Variants in AFAP1L2 observed in about 807,000 individuals in gnomAD.
AFAP1L2 encodes actin filament associated protein 1 like 2.
A neutral mutation model predicts 99.3 loss-of-function variants in AFAP1L2; 46 were observed. The ratio of observed to expected loss-of-function variants is 0.46; its 90% CI spans 0.37 to 0.59. The LOEUF (loss-of-function observed/expected upper bound fraction) is 0.59, where lower values mean the gene tolerates loss of function less well. AFAP1L2 is among the 20% of genes least tolerant of loss of function. The probability of loss-of-function intolerance (pLI) is 0.00; values close to 1 mark genes in which losing one functional copy is unlikely to be tolerated. For missense variants in AFAP1L2, 959 were observed against 1,034.9 expected (o/e 0.93, Z 1.01); for synonymous variants, 397 against 419.1 (o/e 0.95, Z 0.64).
intron 5 of AFAP1L2, chr10:114,319,737 G>A (rs1342800779): frequency 1.0e-6 from 1 of 979,718 alleles, no homozygotes; most frequent in East Asian, 6.2e-5. Context: ...CAAAGAGAGA[G>A]ACCCAGATGT....
chr10:114,287,713 G>T, the AFAP1L2 span, among the ~76,000 whole-genome samples: 4 of 152,142 alleles, frequency 2.6e-5, no homozygotes, highest in African/African-American at 4.8e-5. Context: ...AATAGTTGTA[G>T]ATTTATAGGA....
At chr10:114,384,818 G>A (rs1021200082) in intron 1 of AFAP1L2, among the ~76,000 whole-genome samples, 2 of 152,194 alleles carry the variant, frequency 1.3e-5, no homozygotes, top group Admixed American at 1.3e-4. Flanking sequence ...GCAGTGCGGG[G>A]CCCACACACT....
chr10:114,393,691 T>C (rs2057389234), intron 1 of AFAP1L2: 1 of 152,082 alleles, frequency 6.6e-6, no homozygotes, highest in African/African-American at 2.4e-5. Context: ...AAACAGCCTT[T>C]CCACTCTCAA....
chr10:114,402,429 G>A (rs1230441780), intron 1 of AFAP1L2, among the ~76,000 whole-genome samples: 1 of 152,124 alleles, frequency 6.6e-6, no homozygotes, highest in Admixed American at 6.5e-5. Context: ...TGACACCAGC[G>A]AGACAAAATA....
chr10:114,403,826 A>T (rs2058456520), intron 1 of AFAP1L2, among the ~76,000 whole-genome samples: 2 of 151,882 alleles, frequency 1.3e-5, no homozygotes, highest in Non-Finnish European at 2.9e-5. Context: ...CCTGCCGGGC[A>T]CTCCATTCGG....
At chr10:114,310,331 C>T in intron 8 of AFAP1L2, 23 bp downstream of exon 8, 1 of 1,592,692 alleles carries the variant, frequency 6.3e-7, no homozygotes. Flanking sequence ...GGGACTCTCC[C>T]TCCAGGCAGG....
At chr10:114,337,438 G>A (rs191364647) in intron 2 of AFAP1L2, among the ~76,000 whole-genome samples, 5 of 152,356 alleles carry the variant, frequency 3.3e-5, no homozygotes, top group East Asian at 3.9e-4. Context: ...GGGAAGTTCC[G>A]TTAAACAGTG....
chr10:114,361,816 C>T (rs2052467242), intron 1 of AFAP1L2, among the ~76,000 whole-genome samples: 1 of 152,150 alleles, frequency 6.6e-6, no homozygotes, highest in Admixed American at 6.5e-5. Context: ...TTGGAGTGTA[C>T]ATCCACATGT....
At chr10:114,302,299 G>C in intron 12 of AFAP1L2, 40 bp downstream of exon 12, 3 of 1,613,610 alleles carry the variant, frequency 1.9e-6, no homozygotes, top group South Asian at 2.2e-5. Context: ...GCATGGCCAG[G>C]AATAAGAGAG....
At chr10:114,283,477 C>T in the AFAP1L2 span, among the ~76,000 whole-genome samples, 129 of 152,320 alleles carry the variant, frequency 8.5e-4, no homozygotes, top group African/African-American at 2.8e-3. Flanking sequence ...TCCAGCACCA[C>T]GGCCTCTGAA....
chr10:114,347,104 G>C (rs1156241485), intron 1 of AFAP1L2, among the ~76,000 whole-genome samples: 1 of 152,192 alleles, frequency 6.6e-6, no homozygotes, highest in African/African-American at 2.4e-5. Context: ...GCTTTATATA[G>C]AAAGACTGTA....
At chr10:114,291,212 C>T, downstream of AFAP1L2, 1 of 1,550,506 alleles carries the variant, frequency 6.4e-7, no homozygotes, top group Non-Finnish European at 8.7e-7. Flanking sequence ...TCACTTCCTT[C>T]CCCAGGATTC....
intron 1 of AFAP1L2, among the ~76,000 whole-genome samples, chr10:114,346,967 C>T (rs768426399): frequency 1.3e-5 from 2 of 152,166 alleles, no homozygotes; most frequent in South Asian, 4.1e-4. Context: ...CCCAACATGC[C>T]GAAAAAGCCA....
the AFAP1L2 span, chr10:114,289,444 G>A: frequency 2.2e-5 from 35 of 1,614,016 alleles, no homozygotes; most frequent in East Asian, 2.2e-4. Context: ...AGCTTACGCC[G>A]ACCTGCGGTA....
At chr10:114,404,589 C>G, upstream of AFAP1L2, 1 of 1,301,568 alleles carries the variant, frequency 7.7e-7, no homozygotes, top group Non-Finnish European at 9.8e-7. Flanking sequence ...GCGGGGCCGC[C>G]GCGCCCAGGG....
chr10:114,336,877 A>G (rs1003924724), intron 2 of AFAP1L2, among the ~76,000 whole-genome samples: 6 of 152,218 alleles, frequency 3.9e-5, no homozygotes, highest in African/African-American at 1.2e-4. Flanking sequence ...ACACTGAGAA[A>G]AAAAGAAACA....
rs143720835 is a variant in AFAP1L2, at chr10:114,317,225, T to C, written c.407-1460A>G. Among the ~76,000 whole-genome samples the C allele has an allele frequency of 3.3e-4, 49 of 148,732 alleles. No homozygotes were observed. In the East Asian group the frequency reaches 5.6e-3, roughly 17 times the overall value. On this transcript the variant is annotated intron_variant, in intron 5 of 18. Coordinates refer to ENST00000304129, the MANE Select transcript of AFAP1L2 (RefSeq NM_001001936.3). ...GAAAAATGGGATGAGGCCTCTGCAATAGTTATTCTAGCAACAGTGCCAGTG... is the reference window on the plus strand; with the variant it reads ...GAAAAATGGGATGAGGCCTCTGCAACAGTTATTCTAGCAACAGTGCCAGTG...
intron 11 of AFAP1L2, 38 bp from the exon 12 acceptor site, chr10:114,302,522 C>T: frequency 6.2e-7 from 1 of 1,612,090 alleles, no homozygotes. Flanking sequence ...CAGGGCCAGG[C>T]AGTGCTGCCT....
intron 10 of AFAP1L2, 126 bp downstream of exon 10, chr10:114,307,679 C>G (rs1429559134): frequency 1.4e-6 from 1 of 731,826 alleles, no homozygotes; most frequent in Admixed American, 2.4e-5. Context: ...GGGCTGCAGG[C>G]TCTCCATTCC....
Sources: gnomAD v4.1 joint callset for allele counts (sites outside exome capture counted in the v4.1 genomes callset) on GRCh38, gnomAD v4.1.1 for gene constraint, MANE v1.5 for transcripts, NCBI Gene and HGNC (gene_info 2026-07-23, HGNC 2026-07-21) for gene names.